CNTN6: variants seen among roughly 807,000 people sequenced by gnomAD.
CNTN6 encodes contactin-6.
CNTN6 carries 137 observed loss-of-function variants against 122.8 expected under a neutral mutation model. The ratio of observed to expected loss-of-function variants is 1.12; its 90% CI spans 0.97 to 1.29. The LOEUF is 1.29. Ranked by LOEUF, CNTN6 falls within the 50% of genes most tolerant of loss-of-function variation. The pLI is 0.00. For missense variants in CNTN6, 1,634 were observed against 1,223.4 expected, an observed-to-expected ratio of 1.34 and a Z score of -5.01; for synonymous variants, 570 against 426.0, an observed-to-expected ratio of 1.34 and a Z score of -4.16.
chr3:1,107,403 A>G (rs888623328), intron 1 of CNTN6, among the ~76,000 whole-genome samples: 1 of 152,146 alleles, frequency 6.6e-6, no homozygotes. Flanking sequence ...CTGAATATTT[A>G]TTCATGGCAA....
At position 1,300,557 on chromosome 3, in the gene CNTN6, A is replaced by G. The variant is rs965314015; in HGVS notation, c.761+2566A>G. Among the ~76,000 whole-genome samples, 16 of 107,186 alleles carry G rather than the reference A, an allele frequency of 1.5e-4. No homozygotes were observed. The South Asian group carries it at 2.0e-3, about 14-fold the overall frequency. 70.3% of individuals were successfully genotyped at this position (107,186 alleles called of 152,430 possible). On this transcript the variant is annotated intron_variant, in intron 7 of 22. Transcript: ENST00000446702. ...AAAGAGAGAGAAAGAAAGAGAAAGA[A>G]AAAGAAAGAAAGAAAGAAAGAAAGA...
At chr3:1,126,212 A>G (rs2092153052) in intron 1 of CNTN6, among the ~76,000 whole-genome samples, 1 of 152,044 alleles carries the variant, frequency 6.6e-6, no homozygotes, top group East Asian at 1.9e-4. Flanking sequence ...TCCTCACTGG[A>G]AAATGGAAAG....
intron 2 of CNTN6, among the ~76,000 whole-genome samples, chr3:1,158,969 C>CACACATATATATATATATATATATATAT (rs1553610778): frequency 2.0e-4 from 23 of 112,912 alleles, no homozygotes; most frequent in Non-Finnish European, 2.7e-4. Flanking sequence ...CACACACACA[C>CACACATATATATATATATATATATATAT]ATATATATAT....
chr3:1,397,370 A>G (rs1287415846), intron 20 of CNTN6, among the ~76,000 whole-genome samples: 1 of 152,172 alleles, frequency 6.6e-6, no homozygotes, highest in African/African-American at 2.4e-5. Flanking sequence ...GTTAAAGGAC[A>G]AAAGAACTTC....
intron 2 of CNTN6, among the ~76,000 whole-genome samples, chr3:1,153,439 G>A (rs1296669415): frequency 1.3e-5 from 2 of 152,042 alleles, no homozygotes; most frequent in Non-Finnish European, 2.9e-5. Flanking sequence ...TGACAAATGT[G>A]GTTATATTAT....
At chr3:1,181,433 G>GT (rs112170713) in intron 2 of CNTN6, among the ~76,000 whole-genome samples, 5 of 152,052 alleles carry the variant, frequency 3.3e-5, no homozygotes, top group African/African-American at 9.7e-5. Context: ...AATCTTAGGG[G>GT]TTTTTTTGTT....
At chr3:1,369,876 T>C (rs115665165) in intron 12 of CNTN6, among the ~76,000 whole-genome samples, 1,616 of 152,020 alleles carry the variant, frequency 0.011, 28 homozygotes, top group African/African-American at 0.037. Flanking sequence ...AATCACACTT[T>C]ATTCATTTAT....
rs996906655 is a variant in CNTN6 at position 1,175,932 on chromosome 3, C to G, written c.55+27869C>G. On this transcript the variant is annotated intron_variant, in intron 2 of 22. Coordinates refer to ENST00000446702, the MANE Select transcript of CNTN6 (RefSeq NM_001289080.2). Reference sequence around the variant, plus strand: ...CAAGGAGGACTCTTAGGTGTCTAACCTCAGCAATTGGTTCACTGGTTGTGG... The same window carrying G: ...CAAGGAGGACTCTTAGGTGTCTAACGTCAGCAATTGGTTCACTGGTTGTGG... Among the ~76,000 whole-genome samples the G allele has an allele frequency of 5.9e-5, 9 of 152,254 alleles. No individual in the cohort carries two copies. In the South Asian group the frequency reaches 1.4e-3, roughly 25 times the overall value.
In CNTN6 at chr3:1,401,549, A is replaced by C; in HGVS notation, c.2817+4A>C. On this transcript the variant is annotated splice_donor_region_variant and intron_variant, in intron 21 of 22. Coordinates refer to ENST00000446702, the MANE Select transcript of CNTN6 (RefSeq NM_001289080.2). ...GTCTGAAGTTTTGGGGTACAAGGTG[A>C]GTTTTTAGTTTTTCCTTTAATCATA... is the stretch of plus-strand genomic sequence containing the variant. The C allele has an allele frequency of 6.3e-7, 1 of 1,589,698 alleles. No homozygotes were observed. The highest frequency in any genetic ancestry group is 8.6e-7 in the Non-Finnish European group (1 of 1,161,860).
intron 2 of CNTN6, chr3:1,173,304 G>A: frequency 2.2e-6 from 1 of 456,594 alleles, no homozygotes; most frequent in Non-Finnish European, 4.4e-6. Flanking sequence ...ATATCACCTG[G>A]CGGTTTGCAA....
At chr3:1,256,887 C>T (rs890409414) in intron 4 of CNTN6, among the ~76,000 whole-genome samples, 4 of 152,064 alleles carry the variant, frequency 2.6e-5, no homozygotes, top group Non-Finnish European at 4.4e-5. Flanking sequence ...TATATCCGAA[C>T]AGTAGATACT....
At chr3:1,340,228 T>A (rs1357916078) in intron 11 of CNTN6, among the ~76,000 whole-genome samples, 2 of 152,134 alleles carry the variant, frequency 1.3e-5, no homozygotes, top group African/African-American at 2.4e-5. Flanking sequence ...CTGGTGTCTA[T>A]ATGTGGAATT....
At chr3:1,147,529 T>C (rs2092748370) in intron 1 of CNTN6, among the ~76,000 whole-genome samples, 1 of 152,108 alleles carries the variant, frequency 6.6e-6, no homozygotes, top group Admixed American at 6.6e-5. Context: ...ACATTTTATC[T>C]TGATTTCATT....
chr3:1,214,226 CTGTTA>C (rs1341674353), intron 2 of CNTN6, among the ~76,000 whole-genome samples: 1 of 140,918 alleles, frequency 7.1e-6, no homozygotes, highest in Non-Finnish European at 1.5e-5. Context: ...GAATAATCAT[CTGTTA>C]TTTTTCATAT....
At chr3:1,106,521 T>TAC (rs57012485) in intron 1 of CNTN6, among the ~76,000 whole-genome samples, 2,606 of 149,164 alleles carry the variant, frequency 0.017, 30 homozygotes, top group Non-Finnish European at 0.022. Flanking sequence ...CTGTCTGTAA[T>TAC]ACACACACAC....
At chr3:1,263,836 A>G (rs1315049893) in intron 4 of CNTN6, among the ~76,000 whole-genome samples, 2 of 151,840 alleles carry the variant, frequency 1.3e-5, no homozygotes, top group African/African-American at 2.4e-5. Flanking sequence ...GCCTTTGGGG[A>G]AAAATACAGA....
At chr3:1,398,851 A>G (rs918103361) in intron 20 of CNTN6, among the ~76,000 whole-genome samples, 1 of 152,122 alleles carries the variant, frequency 6.6e-6, no homozygotes, top group Non-Finnish European at 1.5e-5. Flanking sequence ...ATAATTGGCT[A>G]TTCATACCAA....
rs143883424 is a variant in CNTN6 at position 1,364,506 on chromosome 3, G to GA, written c.1493-7783dup. Among the ~76,000 whole-genome samples, 319 of 143,760 alleles carry GA rather than the reference G, an allele frequency of 2.2e-3. 2 individuals are homozygous for GA. The highest frequency in any genetic ancestry group is 6.8e-3 in the African/African-American group (272 of 39,710). The allele number at this position is 143,760 out of a possible 152,430, so 94.3% of individuals were successfully genotyped here. ...GATAAGGGTTTCAACTGAGTTGAAG[G>GA]AAAAAAAAAACAAAACAAACAAACA... On this transcript the variant is annotated intron_variant, in intron 12 of 22. Transcript: ENST00000446702.
intron 2 of CNTN6, among the ~76,000 whole-genome samples, chr3:1,190,459 A>G (rs557974981): frequency 2.6e-5 from 4 of 152,284 alleles, no homozygotes; most frequent in African/African-American, 9.6e-5. Flanking sequence ...TGCTTTTTGT[A>G]TCATCGTTTT....
Sources: gnomAD v4.1 joint callset for allele counts (sites outside exome capture counted in the v4.1 genomes callset) on GRCh38, gnomAD v4.1.1 for gene constraint, MANE v1.5 for transcripts, NCBI Gene and HGNC (gene_info 2026-07-23, HGNC 2026-07-21) for gene names.